Variants in NCBP2L observed in about 807,000 individuals in gnomAD.
NCBP2L encodes nuclear cap binding protein subunit 2 like.
For synonymous variants in NCBP2L, 39 were observed against 19.2 expected, an observed-to-expected ratio of 2.04 and a Z score of -2.70; for missense variants, 95 against 53.1, an observed-to-expected ratio of 1.79 and a Z score of -2.45.
rs750007901 is a variant in NCBP2L, at chrX:107,782,844, CATAAT to C, written c.-73+4990_-73+4994del. Reference sequence around the variant, plus strand: ...TTATATATACATATACATATATACACATAATATACACACATATATACACATAATAT... The same window carrying C: ...TTATATATACATATACATATATACACATACACACATATATACACATAATAT... On this transcript the variant is annotated intron_variant, in intron 1 of 1. Coordinates refer to ENST00000509000, the MANE Select transcript of NCBP2L (RefSeq NM_001348372.2). Among the ~76,000 whole-genome samples, 54 of 107,580 alleles carry C rather than the reference CATAAT, an allele frequency of 5.0e-4. No homozygotes were observed. The East Asian group carries it at 0.015, about 30-fold the overall frequency. 93.4% of individuals were successfully genotyped at this position (107,580 alleles called of 115,157 possible). A position where few individuals can be genotyped will look rare whatever the true frequency, so the allele number is the denominator to read the frequency against.
At chrX:107,779,446 T>A (rs1930235894) in intron 1 of NCBP2L, among the ~76,000 whole-genome samples, 2 of 112,320 alleles carry the variant, frequency 1.8e-5, no homozygotes, top group African/African-American at 6.5e-5. Flanking sequence ...TTATTTACTT[T>A]TTTAGAACGA....
At chrX:107,792,341 C>CAA (rs35382213) in intron 1 of NCBP2L, among the ~76,000 whole-genome samples, 235 of 69,247 alleles carry the variant, frequency 3.4e-3, no homozygotes, top group African/African-American at 7.1e-3. Context: ...GTAACCAGAT[C>CAA]AAAAAAAAAA....
chrX:107,781,981 T>C (rs1311474957), intron 1 of NCBP2L, among the ~76,000 whole-genome samples: 3 of 94,103 alleles, frequency 3.2e-5, no homozygotes, highest in African/African-American at 1.2e-4. Context: ...CACCTCGGCT[T>C]CCCAAAGTGC....
In NCBP2L at chrX:107,791,835, A is replaced by G. The variant is rs536694231; in HGVS notation, c.-72-2314A>G. Among the ~76,000 whole-genome samples, 75 of 112,391 alleles carry G rather than the reference A, an allele frequency of 6.7e-4. 2 individuals carry two copies. The South Asian group carries it at 0.026, about 39-fold the overall frequency. ...TTTGCTCTCCAGTTTACAGATGAGA[A>G]GATTGAAATCAGTATTGTTAAGTGC... On this transcript the variant is annotated intron_variant, in intron 1 of 1. Coordinates refer to ENST00000509000, the MANE Select transcript of NCBP2L (RefSeq NM_001348372.2).
chrX:107,790,783 G>T (rs1930442124), intron 1 of NCBP2L, among the ~76,000 whole-genome samples: 2 of 111,642 alleles, frequency 1.8e-5, no homozygotes, highest in Admixed American at 1.9e-4. Flanking sequence ...TGTACATTCT[G>T]CATTTTGTAA....
At chrX:107,784,886 G>T (rs1002235243) in intron 1 of NCBP2L, among the ~76,000 whole-genome samples, 1 of 108,832 alleles carries the variant, frequency 9.2e-6, no homozygotes, top group Non-Finnish European at 1.9e-5. Context: ...GGCTGAGGTG[G>T]GAAGATTGCT....
chrX:107,785,918 G>A (rs1465926692), intron 1 of NCBP2L, among the ~76,000 whole-genome samples: 6 of 110,482 alleles, frequency 5.4e-5, no homozygotes, highest in African/African-American at 2.0e-4. Flanking sequence ...AGCTTGCAAG[G>A]CCTTGATATT....
rs144034666 is a variant in NCBP2L at position 107,789,572 on chromosome X, T to C, written c.-72-4577T>C. On this transcript the variant is annotated intron_variant, in intron 1 of 1. Transcript: ENST00000509000. Reference sequence around the variant, plus strand: ...GTTCCCAGAACACCACTGTTATTTCTCTTTTAAGTAAACCAATGACATCCT... The same window carrying C: ...GTTCCCAGAACACCACTGTTATTTCCCTTTTAAGTAAACCAATGACATCCT... 4.1e-3 allele frequency among the ~76,000 whole-genome samples: 459 copies of C among 111,711 alleles called. 3 individuals are homozygous for C. The highest frequency in any genetic ancestry group is 0.014 in the African/African-American group (424 of 30,734).
intron 1 of NCBP2L, among the ~76,000 whole-genome samples, chrX:107,784,240 T>G (rs1181500058): frequency 2.7e-5 from 3 of 111,654 alleles, no homozygotes; most frequent in African/African-American, 9.8e-5. Flanking sequence ...TTATGTTTAC[T>G]ATGAGGAGTA....
In NCBP2L at chrX:107,795,123, A is replaced by T. The variant is rs1295641354; in HGVS notation, c.*441A>T. On this transcript the variant is annotated 3_prime_UTR_variant, in exon 2 of 2. Coordinates refer to ENST00000509000, the MANE Select transcript of NCBP2L (RefSeq NM_001348372.2). ...CAAGCACTATTATTTGAAACCATAG[A>T]AAAGTCTGGAAGAATTTGTAATAAA... 8.8e-6 allele frequency: 1 copy of T among 113,342 alleles called. No homozygotes were observed. The highest frequency in any genetic ancestry group is 1.8e-5 in the Non-Finnish European group (1 of 54,063). 9.3% of individuals were successfully genotyped at this position (113,342 alleles called of 1,213,427 possible).
rs1395038482 is a variant in NCBP2L, at chrX:107,781,692, C to CTCTCTCTCTCTATA, written c.-73+3835_-73+3836insCTCTCTCTCTATAT. On this transcript the variant is annotated intron_variant, in intron 1 of 1. Transcript: ENST00000509000. ...TATCTATCTATCTCTCTCTCTCTCT[C>CTCTCTCTCTCTATA]TATATATATATATATATAGATCTAT... Among the ~76,000 whole-genome samples, 142 of 66,893 alleles carry CTCTCTCTCTCTATA rather than the reference C, an allele frequency of 2.1e-3. 3 individuals carry two copies. Among genetic ancestry groups the CTCTCTCTCTCTATA allele is most frequent in the African/African-American group, 8.3e-3 (97 of 11,725 alleles). The allele number at this position is 66,893 out of a possible 115,157, so 58.1% of individuals were successfully genotyped here.
intron 1 of NCBP2L, among the ~76,000 whole-genome samples, chrX:107,779,738 ATTTTTTTTTT>A (rs60997776): frequency 2.7e-5 from 1 of 36,634 alleles, no homozygotes; most frequent in East Asian, 9.1e-4. Flanking sequence ...TATCCCCTGA[ATTTTTTTTTT>A]TTTTTTTTTT....
intron 1 of NCBP2L, among the ~76,000 whole-genome samples, chrX:107,781,015 C>G (rs1157283069): frequency 9.0e-6 from 1 of 110,607 alleles, no homozygotes; most frequent in African/African-American, 3.3e-5. Context: ...CAGTCTCGAC[C>G]TCCTGGGCTC....
chrX:107,783,538 AG>A (rs1286165680), intron 1 of NCBP2L, among the ~76,000 whole-genome samples: 1 of 105,940 alleles, frequency 9.4e-6, no homozygotes, highest in Non-Finnish European at 1.9e-5. Context: ...ATGCCCAGCT[AG>A]TTTTTGTATT....
At chrX:107,791,843 A>G (rs1037011403) in intron 1 of NCBP2L, among the ~76,000 whole-genome samples, 3 of 112,147 alleles carry the variant, frequency 2.7e-5, no homozygotes, top group Admixed American at 9.4e-5. Context: ...GAAGATTGAA[A>G]TCAGTATTGT....
intron 1 of NCBP2L, among the ~76,000 whole-genome samples, chrX:107,779,992 T>C (rs1294993532): frequency 1.0e-5 from 1 of 98,290 alleles, no homozygotes; most frequent in Non-Finnish European, 2.1e-5. Context: ...GATCCGCCCG[T>C]CTCGGCCTCC....
At chrX:107,779,717 C>T (rs1440835966) in intron 1 of NCBP2L, among the ~76,000 whole-genome samples, 1 of 106,178 alleles carries the variant, frequency 9.4e-6, no homozygotes, top group African/African-American at 3.5e-5. Context: ...CGTGAGCCAC[C>T]GTGCCCAGCC....
chrX:107,785,093 A>G (rs1464094858), intron 1 of NCBP2L, among the ~76,000 whole-genome samples: 1 of 111,593 alleles, frequency 9.0e-6, no homozygotes, highest in Non-Finnish European at 1.9e-5. Flanking sequence ...AGAAAGAAAG[A>G]GAAAAAAATA....
rs778862483 is a variant in NCBP2L, at chrX:107,786,640, T to C, written c.-72-7509T>C. 4.5e-5 allele frequency among the ~76,000 whole-genome samples: 5 copies of C among 111,597 alleles called. No individual in the cohort carries two copies. In the South Asian group the frequency reaches 1.9e-3, roughly 43 times the overall value. ...CCACATACTGAGCACTTACTGTGTG[T>C]CAGGCGCTGTGTTAGGCAGTTTACA... On this transcript the variant is annotated intron_variant, in intron 1 of 1. Coordinates refer to ENST00000509000, the MANE Select transcript of NCBP2L (RefSeq NM_001348372.2).
Sources: gnomAD v4.1 joint callset for allele counts (sites outside exome capture counted in the v4.1 genomes callset) on GRCh38, gnomAD v4.1.1 for gene constraint, MANE v1.5 for transcripts, NCBI Gene and HGNC (gene_info 2026-07-23, HGNC 2026-07-21) for gene names.